The following THSD7A variants were observed in gnomAD, a reference collection of about 807,000 sequenced individuals.
The protein encoded by THSD7A is thrombospondin type 1 domain containing 7A.
Under a neutral mutation model 231.3 loss-of-function variants are expected in THSD7A, and 96 were observed. The observed-to-expected ratio is 0.41, with a 90% confidence interval of 0.35 to 0.49. The LOEUF is 0.49. THSD7A is among the 20% of genes least tolerant of loss of function. The probability of loss-of-function intolerance (pLI) is 0.05; values close to 1 mark genes in which losing one functional copy is unlikely to be tolerated. For synonymous variants in THSD7A, 940 were observed against 743.3 expected (o/e 1.26, Z -4.30); for missense variants, 2,290 against 2,070.2 (o/e 1.11, Z -2.06).
intron 1 of THSD7A, among the ~76,000 whole-genome samples, chr7:11,763,470 A>G (rs1248841244): frequency 6.6e-6 from 1 of 152,228 alleles, no homozygotes; most frequent in African/African-American, 2.4e-5. Context: ...ATATGCATAT[A>G]TATCCATGTA....
At chr7:11,683,231 A>G (rs1247560749) in intron 1 of THSD7A, among the ~76,000 whole-genome samples, 2 of 152,038 alleles carry the variant, frequency 1.3e-5, no homozygotes, top group Non-Finnish European at 2.9e-5. Context: ...AAATACATGG[A>G]AACGAAACAA....
In THSD7A at chr7:11,372,752, T is replaced by C. The variant is rs767106469; in HGVS notation, c.*3042A>G. On this transcript the variant is annotated 3_prime_UTR_variant, in exon 28 of 28. Coordinates refer to ENST00000423059, the MANE Select transcript of THSD7A (RefSeq NM_015204.3). The stretch of plus-strand genomic sequence containing the variant: ...GAGGTAAAAGTGTCAATAGAGAAGT[T>C]ACTACTATATTCCCCTCCCAAATTT... 4 of 152,060 alleles carry C rather than the reference T, an allele frequency of 2.6e-5. No individual in the cohort carries two copies. Among genetic ancestry groups the C allele is most frequent in the Non-Finnish European group, 4.4e-5 (3 of 67,992 alleles). The allele number at this position is 152,060 out of a possible 1,614,324, so 9.4% of individuals were successfully genotyped here.
At chr7:11,633,267 C>G (rs1390405172) in intron 2 of THSD7A, among the ~76,000 whole-genome samples, 1 of 152,152 alleles carries the variant, frequency 6.6e-6, no homozygotes, top group East Asian at 1.9e-4. Flanking sequence ...CCCAGCCTGG[C>G]TGGAAGTCAC....
chr7:11,668,305 C>A (rs1783228144), intron 1 of THSD7A, among the ~76,000 whole-genome samples: 1 of 152,000 alleles, frequency 6.6e-6, no homozygotes, highest in Non-Finnish European at 1.5e-5. Flanking sequence ...GTAATCCCAG[C>A]TTCTCGGGAG....
In THSD7A at chr7:11,636,461, C is replaced by T; in HGVS notation, c.691G>A (p.Gly231Ser). The T allele has an allele frequency of 1.2e-6, 2 of 1,613,640 alleles. No individual in the cohort carries two copies. The highest frequency in any genetic ancestry group is 1.7e-6 in the Non-Finnish European group (2 of 1,179,774). ...VVAPPQFGGS[G>S]CPNLTEFQVC... ...TGGAACTCCGTCAGGTTTGGACAGC[C>T]AGAGCCTCCGAACTGCGGGGGCGCC... is the stretch of plus-strand genomic sequence containing the variant. Residue 231 changes from glycine to serine, a missense_variant, in exon 2 of 28, where the codon GGC (glycine) becomes AGC (serine). Coordinates refer to ENST00000423059, the MANE Select transcript of THSD7A (RefSeq NM_015204.3). This position sits in a 1 kb window ranked among gnomAD's most constrained non-coding sequence, Gnocchi z 10.0.
chr7:11,478,938 A>T (rs956541537), intron 7 of THSD7A, among the ~76,000 whole-genome samples: 1 of 152,190 alleles, frequency 6.6e-6, no homozygotes, highest in Non-Finnish European at 1.5e-5. Flanking sequence ...TACATTAACA[A>T]TGAAACGTGA....
intron 23 of THSD7A, among the ~76,000 whole-genome samples, chr7:11,388,685 A>G (rs1462302184): frequency 1.3e-5 from 2 of 151,112 alleles, no homozygotes; most frequent in African/African-American, 4.9e-5. Context: ...TTGTGTCTCT[A>G]TTTCCTTCAG....
At chr7:11,656,482 G>T (rs914569567) in intron 1 of THSD7A, among the ~76,000 whole-genome samples, 1 of 151,818 alleles carries the variant, frequency 6.6e-6, no homozygotes, top group Non-Finnish European at 1.5e-5. Context: ...AAAGCTTGCA[G>T]TTGGATTATC....
intron 6 of THSD7A, among the ~76,000 whole-genome samples, chr7:11,482,492 G>A (rs2107141): frequency 0.71 from 108,753 of 152,108 alleles, 38,865 homozygotes; most frequent in South Asian, 0.82. Flanking sequence ...TTCTTCTTTC[G>A]TAAAAAATTG....
At chr7:11,554,844 T>A (rs573296459) in intron 4 of THSD7A, among the ~76,000 whole-genome samples, 1 of 151,914 alleles carries the variant, frequency 6.6e-6, no homozygotes, top group African/African-American at 2.4e-5. Flanking sequence ...TTTATTTTGA[T>A]TTTTTTATTC....
intron 5 of THSD7A, among the ~76,000 whole-genome samples, chr7:11,541,834 A>T (rs2128322863): frequency 6.6e-6 from 1 of 152,280 alleles, no homozygotes; most frequent in South Asian, 2.1e-4. Context: ...AACGAATGGA[A>T]TGAAAAAAAA....
intron 1 of THSD7A, among the ~76,000 whole-genome samples, chr7:11,680,143 G>C (rs897427349): frequency 1.3e-5 from 2 of 151,346 alleles, no homozygotes; most frequent in African/African-American, 4.9e-5. Flanking sequence ...AAACTGGCTA[G>C]CCATATGCAG....
chr7:11,830,090 T>C (rs1785150391), intron 1 of THSD7A, among the ~76,000 whole-genome samples: 1 of 152,230 alleles, frequency 6.6e-6, no homozygotes, highest in South Asian at 2.1e-4. Flanking sequence ...TAGCAAGAGC[T>C]AGGACTGGCA....
chr7:11,490,407 T>A (rs1217209795), intron 6 of THSD7A, among the ~76,000 whole-genome samples: 2 of 152,092 alleles, frequency 1.3e-5, no homozygotes, highest in African/African-American at 4.8e-5. Context: ...TTAAAACATC[T>A]ATGACTTCCC....
chr7:11,558,794 T>C (rs1315280438), intron 4 of THSD7A, among the ~76,000 whole-genome samples: 1 of 152,168 alleles, frequency 6.6e-6, no homozygotes, highest in African/African-American at 2.4e-5. Context: ...AAAAGTTCTA[T>C]GCCTTAATCC....
At chr7:11,723,898 G>C (rs1259099136) in intron 1 of THSD7A, among the ~76,000 whole-genome samples, 2 of 152,024 alleles carry the variant, frequency 1.3e-5, no homozygotes, top group East Asian at 2.0e-4. Context: ...AAGGATGTTG[G>C]ATCTTACTCT....
Position 11,462,074 on chromosome 7 carries a change from T to C in THSD7A, c.2438A>G (p.Asp813Gly), listed in dbSNP as rs1785526176. The stretch of plus-strand genomic sequence containing the variant: ...CTCTTCATAGAGGGGATCTGTGCAG[T>C]CTCGGCCCCCGTTGGCTGGCAGCTG... ...IIQLPANGGR[D>G]CTDPLYEEKA... Residue 813 changes from aspartate to glycine, a missense_variant, in exon 10 of 28, where the codon GAC (aspartate) becomes GGC (glycine). Transcript: ENST00000423059. 1 of 1,613,834 alleles carries C rather than the reference T, an allele frequency of 6.2e-7. No individual in the cohort carries two copies. The highest frequency in any genetic ancestry group is 8.5e-7 in the Non-Finnish European group (1 of 1,179,774).
intron 1 of THSD7A, among the ~76,000 whole-genome samples, chr7:11,722,649 C>T (rs1781399189): frequency 6.6e-6 from 1 of 151,666 alleles, no homozygotes; most frequent in African/African-American, 2.4e-5. Flanking sequence ...AGCCTCTAAG[C>T]TCAACAAGTG....
At chr7:11,528,245 A>G (rs764651987) in intron 6 of THSD7A, among the ~76,000 whole-genome samples, 1 of 152,158 alleles carries the variant, frequency 6.6e-6, no homozygotes, top group Non-Finnish European at 1.5e-5. Flanking sequence ...ATACCAATGA[A>G]TATCTTCTCT....
Sources: allele counts gnomAD v4.1 joint callset (sites outside exome capture counted in the v4.1 genomes callset), GRCh38; gene constraint gnomAD v4.1.1; non-coding constraint Gnocchi (gnomAD v3.1); transcripts MANE v1.5; gene names NCBI Gene and HGNC (gene_info 2026-07-23, HGNC 2026-07-21).